Variants in AIG1 observed in about 807,000 individuals in gnomAD.
The protein encoded by AIG1 is androgen induced 1, also known as androgen-induced gene 1 protein.
In AIG1, 23 loss-of-function variants were observed where a neutral mutation model predicts 31.4. The observed-to-expected ratio is 0.73, with a 90% CI of 0.53 to 1.04. The LOEUF is 1.04. AIG1 is among the 50% of genes least tolerant of loss of function. The probability of loss-of-function intolerance (pLI) is 0.00; values close to 1 mark genes in which losing one functional copy is unlikely to be tolerated. For missense variants in AIG1, 274 were observed against 295.0 expected, an observed-to-expected ratio of 0.93 and a Z score of 0.52; for synonymous variants, 100 against 110.5, an observed-to-expected ratio of 0.90 and a Z score of 0.60.
rs191660813 is a variant in AIG1 at position 143,321,802 on chromosome 6, A to G, written c.516-11480A>G. On this transcript the variant is annotated intron_variant, in intron 4 of 5. Transcript: ENST00000357847. Reference sequence around the variant, plus strand: ...AAAGGAACACTACAACACAACTGGGAAAAAAACCTGACACCACCACCCTTC... The same window carrying G: ...AAAGGAACACTACAACACAACTGGGGAAAAAACCTGACACCACCACCCTTC... Among the ~76,000 whole-genome samples the G allele has an allele frequency of 6.0e-4, 91 of 152,188 alleles. 1 individual carries two copies. The highest frequency in any genetic ancestry group is 1.4e-3 in the Admixed American group (21 of 15,282).
At chr6:143,098,915 A>G (rs896009339) in intron 1 of AIG1, among the ~76,000 whole-genome samples, 1 of 152,212 alleles carries the variant, frequency 6.6e-6, no homozygotes, top group East Asian at 1.9e-4. Flanking sequence ...GTTTCAGTCT[A>G]TCTGGGTAGC....
chr6:143,156,047 G>A (rs987081639), intron 2 of AIG1, among the ~76,000 whole-genome samples: 1 of 152,166 alleles, frequency 6.6e-6, no homozygotes, highest in Non-Finnish European at 1.5e-5. Flanking sequence ...ACTGGGACAG[G>A]GAGTGACAAA....
At position 143,292,653 on chromosome 6, in the gene AIG1, CTG is replaced by C. The variant is rs1272515110; in HGVS notation, c.515+8431_515+8432del. Among the ~76,000 whole-genome samples, 1 of 152,184 alleles carries C rather than the reference CTG, an allele frequency of 6.6e-6. No homozygotes were observed. The highest frequency in any genetic ancestry group is 1.9e-4 in the East Asian group (1 of 5,192). ...ATATGTGTTGTTTTAAGCCACAAGT[CTG>C]TGGCAATGTGTCATAGTAGCAAGAA... is the stretch of plus-strand genomic sequence containing the variant. On this transcript the variant is annotated intron_variant, in intron 4 of 5. Transcript: ENST00000357847. The surrounding 1 kb of genome is among the most constrained non-coding windows in gnomAD (Gnocchi z 4.9).
intron 3 of AIG1, among the ~76,000 whole-genome samples, chr6:143,216,279 A>C (rs1471543337): frequency 6.6e-6 from 1 of 152,148 alleles, no homozygotes; most frequent in East Asian, 1.9e-4. Flanking sequence ...CGGATGATCG[A>C]GGGCTTTTCT....
intron 1 of AIG1, among the ~76,000 whole-genome samples, chr6:143,073,573 A>G (rs1777479825): frequency 6.6e-6 from 1 of 152,032 alleles, no homozygotes; most frequent in South Asian, 2.1e-4. Context: ...TAGCCATTCT[A>G]ATGGGTGTGA....
chr6:143,256,682 G>A lies in AIG1; in HGVS notation c.400-27428G>A, dbSNP rs1003449097. Reference sequence around the variant, plus strand: ...ATCAATATGGCATTTGCCTAATCCAGTGTATACTTTATATATATGATTCCC... The same window carrying A: ...ATCAATATGGCATTTGCCTAATCCAATGTATACTTTATATATATGATTCCC... On this transcript the variant is annotated intron_variant, in intron 3 of 5. Coordinates refer to ENST00000357847, the MANE Select transcript of AIG1 (RefSeq NM_016108.4). This position sits in a 1 kb window ranked among gnomAD's most constrained non-coding sequence, Gnocchi z 4.6. 2.0e-5 allele frequency among the ~76,000 whole-genome samples: 3 copies of A among 152,176 alleles called. No homozygotes were observed. Among genetic ancestry groups the A allele is most frequent in the African/African-American group, 7.2e-5 (3 of 41,438 alleles).
chr6:143,229,784 C>CAAAAAAAAA lies in AIG1; in HGVS notation c.400-54314_400-54306dup, dbSNP rs751464049. Among the ~76,000 whole-genome samples, 18 of 80,664 alleles carry CAAAAAAAAA rather than the reference C, an allele frequency of 2.2e-4. 4 individuals are homozygous for CAAAAAAAAA. The highest frequency in any genetic ancestry group is 3.0e-4 in the East Asian group (1 of 3,362). The allele number at this position is 80,664 out of a possible 152,430, so 52.9% of individuals were successfully genotyped here. A position where few individuals can be genotyped will look rare whatever the true frequency, so the allele number is the denominator to read the frequency against. On this transcript the variant is annotated intron_variant, in intron 3 of 5. Coordinates refer to ENST00000357847, the MANE Select transcript of AIG1 (RefSeq NM_016108.4). ...GCCTCTCGTTTCTGGACTCTCAGAA[C>CAAAAAAAAA]AAAAAAAAAAAAAAAAAAAAGGATC...
chr6:143,326,093 A>G lies in AIG1; in HGVS notation c.516-7189A>G, dbSNP rs1046279379. On this transcript the variant is annotated intron_variant, in intron 4 of 5. Coordinates refer to ENST00000357847, the MANE Select transcript of AIG1 (RefSeq NM_016108.4). The surrounding 1 kb of genome is among the most constrained non-coding windows in gnomAD (Gnocchi z 4.5). The stretch of plus-strand genomic sequence containing the variant: ...ATCTTTCAGCTAATTTTCATTGCCA[A>G]TGCTATTGTTCCTCTCCTAGCCACT... Among the ~76,000 whole-genome samples the G allele has an allele frequency of 1.3e-5, 2 of 152,228 alleles. No homozygotes were observed. Among genetic ancestry groups the G allele is most frequent in the African/African-American group, 4.8e-5 (2 of 41,464 alleles).
intron 4 of AIG1, among the ~76,000 whole-genome samples, chr6:143,287,159 G>A (rs988919053): frequency 4.6e-5 from 7 of 151,668 alleles, no homozygotes; most frequent in African/African-American, 9.7e-5. Flanking sequence ...TCTGCACCCC[G>A]TTTGTGAGAT....
intron 3 of AIG1, among the ~76,000 whole-genome samples, chr6:143,226,273 A>G (rs1268415313): frequency 6.7e-6 from 1 of 149,432 alleles, no homozygotes; most frequent in African/African-American, 2.5e-5. Flanking sequence ...ATGGAGTCTC[A>G]CTCTGTCACC....
At chr6:143,207,124 C>T (rs1436153442) in intron 3 of AIG1, among the ~76,000 whole-genome samples, 1 of 152,038 alleles carries the variant, frequency 6.6e-6, no homozygotes, top group Non-Finnish European at 1.5e-5. Context: ...TCACACCCTC[C>T]AGATATCTTC....
chr6:143,083,911 T>A (rs998706414), intron 1 of AIG1, among the ~76,000 whole-genome samples: 5 of 152,204 alleles, frequency 3.3e-5, no homozygotes, highest in African/African-American at 7.2e-5. Flanking sequence ...CCCCTGCTTT[T>A]GCTAGAATGT....
In AIG1 at chr6:143,063,730, A is replaced by G. The variant is rs1776459727; in HGVS notation, c.141+2664A>G. Among the ~76,000 whole-genome samples, 3 of 152,298 alleles carry G rather than the reference A, an allele frequency of 2.0e-5. No individual in the cohort carries two copies. The Middle Eastern group carries it at 0.01, about 518-fold the overall frequency. On this transcript the variant is annotated intron_variant, in intron 1 of 5. Transcript: ENST00000357847. The stretch of plus-strand genomic sequence containing the variant: ...AATGTGAAGGCCCTTTTTTCTAGCC[A>G]ACTTGGATTGCAGGAATCATTTATC...
chr6:143,111,511 T>G (rs1360082820), intron 1 of AIG1, among the ~76,000 whole-genome samples: 1 of 152,240 alleles, frequency 6.6e-6, no homozygotes, highest in Non-Finnish European at 1.5e-5. Context: ...TGCTTCAGAC[T>G]CATTGCTTCT....
chr6:143,304,913 T>A (rs1799134373), intron 4 of AIG1, among the ~76,000 whole-genome samples: 1 of 152,214 alleles, frequency 6.6e-6, no homozygotes, highest in Non-Finnish European at 1.5e-5. Flanking sequence ...AGCCTGTTAT[T>A]GGTCTATTCA....
At chr6:143,244,214 G>A (rs1365852948) in intron 3 of AIG1, among the ~76,000 whole-genome samples, 3 of 152,154 alleles carry the variant, frequency 2.0e-5, no homozygotes, top group African/African-American at 7.2e-5. Context: ...AGTGTTTCCC[G>A]GAGGAAATGA....
intron 3 of AIG1, among the ~76,000 whole-genome samples, chr6:143,236,470 G>A (rs1181206213): frequency 1.3e-5 from 2 of 152,236 alleles, no homozygotes; most frequent in African/African-American, 2.4e-5. Flanking sequence ...TCCGGCCTAT[G>A]GCCAGAGCCC....
At chr6:143,320,486 A>G (rs559274127) in intron 4 of AIG1, among the ~76,000 whole-genome samples, 1 of 152,234 alleles carries the variant, frequency 6.6e-6, no homozygotes, top group Non-Finnish European at 1.5e-5. Flanking sequence ...ATGATAAATA[A>G]AAGGTGTATA....
intron 4 of AIG1, among the ~76,000 whole-genome samples, chr6:143,287,959 C>A (rs1562559554): frequency 6.6e-6 from 1 of 151,874 alleles, no homozygotes; most frequent in African/African-American, 2.4e-5. Context: ...ATGAAAATAT[C>A]TTTTTTTTAA....
Sources: allele counts gnomAD v4.1 joint callset (sites outside exome capture counted in the v4.1 genomes callset), GRCh38; gene constraint gnomAD v4.1.1; non-coding constraint Gnocchi (gnomAD v3.1); transcripts MANE v1.5; gene names NCBI Gene and HGNC (gene_info 2026-07-23, HGNC 2026-07-21).